The following PASK variants were observed in gnomAD, a reference collection of about 807,000 sequenced individuals.
The protein encoded by PASK is PAS domain containing serine/threonine kinase.
Under a neutral mutation model 121.0 loss-of-function variants are expected in PASK, and 110 were observed. The observed-to-expected ratio is 0.91, with a 90% CI of 0.78 to 1.06. The LOEUF (loss-of-function observed/expected upper bound fraction) is 1.06, where lower values mean the gene tolerates loss of function less well. Among genes scored for constraint, PASK ranks in the 50% least tolerant of loss-of-function variants. The pLI is 0.00. For synonymous variants in PASK, 686 were observed against 717.8 expected, an observed-to-expected ratio of 0.96 and a Z score of 0.71; for missense variants, 1,643 against 1,702.3, an observed-to-expected ratio of 0.97 and a Z score of 0.61.
rs932126746 is a variant in PASK, at chr2:241,123,988, G to A, written c.2865C>T (p.His955=). The change falls in exon 11 of 18, where the codon CAC becomes CAT. Residue 955 remains histidine (H), a synonymous_variant. Transcript: ENST00000234040. The part of the protein sequence containing the change: ...LFLASLPGST[H]STAAELTGPS... ...GTCCGGTGAGCTCAGCAGCGGTAGA[G>A]TGGGTGGAGCCGGGCAGGCTGGCAA... 4.3e-6 allele frequency: 7 copies of A among 1,613,964 alleles called. No homozygotes were observed. Among genetic ancestry groups the A allele is most frequent in the Non-Finnish European group, 5.9e-6 (7 of 1,180,018 alleles).
Position 241,122,861 on chromosome 2 carries a change from C to T in PASK, c.2943G>A (p.Lys981=), listed in dbSNP as rs1476346014. 1.9e-6 allele frequency: 3 copies of T among 1,614,036 alleles called. No homozygotes were observed. The highest frequency in any genetic ancestry group is 2.5e-6 in the Non-Finnish European group (3 of 1,179,996). The change falls in exon 12 of 18, where the codon AAG becomes AAA. Residue 981 remains lysine, a synonymous_variant. Coordinates refer to ENST00000234040, the MANE Select transcript of PASK (RefSeq NM_015148.4). The part of the protein sequence containing the change: ...RARPWFEEPP[K]AVELEGLAAC... ...CCGCCAACCCCTCCAGTTCCACAGC[C>T]TTGGGGGGCTCCTCAAACCAGGGTC...
chr2:241,133,213 C>A (rs2066249557), intron 8 of PASK, 183 bp from the exon 9 acceptor site: 2 of 674,192 alleles, frequency 3.0e-6, no homozygotes, highest in South Asian at 3.2e-5. Context: ...CTCCCTGCTC[C>A]TTGGCCCAGG....
intron 12 of PASK, among the ~76,000 whole-genome samples, chr2:241,121,899 A>G (rs910657671): frequency 2.0e-5 from 3 of 152,266 alleles, no homozygotes; most frequent in Non-Finnish European, 2.9e-5. Flanking sequence ...TAGAGACTTC[A>G]AAACATAATA....
chr2:241,138,205 G>A (rs1012841521), intron 5 of PASK, 118 bp from the exon 6 acceptor site: 3 of 1,007,938 alleles, frequency 3.0e-6, no homozygotes, highest in African/African-American at 3.2e-5. Flanking sequence ...TCCATCGGAA[G>A]GGCAAGAGAC....
chr2:241,144,149 CGTGTGT>C (rs35476448), intron 1 of PASK, among the ~76,000 whole-genome samples: 2 of 151,964 alleles, frequency 1.3e-5, no homozygotes, highest in Non-Finnish European at 2.9e-5. Flanking sequence ...TGTACATGAG[CGTGTGT>C]GTGTGCGCGC....
chr2:241,114,074 G>A (rs2065225751), intron 14 of PASK: 4 of 985,144 alleles, frequency 4.1e-6, no homozygotes, highest in Non-Finnish European at 4.8e-6. Context: ...CTTTTAACAA[G>A]CGACCCTCAA....
In PASK at chr2:241,106,618, G is replaced by C; in HGVS notation, c.3920C>G (p.Pro1307Arg). Residue 1307 changes from proline (P) to arginine (R), a missense_variant, in exon 18 of 18, where the codon CCT (proline) becomes CGT (arginine). Physicochemically the swap from Pro to Arg is moderately radical, Grantham distance 103. Coordinates refer to ENST00000234040, the MANE Select transcript of PASK (RefSeq NM_015148.4). The part of the protein sequence containing the change: ...LCGGPVPGEA[P>R]NGQGCLHPGD... ...GGGATGCAAACAGCCTTGGCCATTA[G>C]GAGCCTCGCCTGGAACGGGGCCCCC... 6.2e-7 allele frequency: 1 copy of C among 1,614,240 alleles called. No homozygotes were observed. Among genetic ancestry groups the C allele is most frequent in the Non-Finnish European group, 8.5e-7 (1 of 1,180,036 alleles).
In PASK at chr2:241,128,313, C is replaced by T. The variant is rs142769620; in HGVS notation, c.1464-862G>A. 2.6e-3 allele frequency among the ~76,000 whole-genome samples: 402 copies of T among 152,158 alleles called. 3 individuals are homozygous for T. The highest frequency in any genetic ancestry group is 9.1e-3 in the African/African-American group (379 of 41,518). On this transcript the variant is annotated intron_variant, in intron 9 of 17. Coordinates refer to ENST00000234040, the MANE Select transcript of PASK (RefSeq NM_015148.4). ...AACAAAAAAAGAAGGGGACACGGGC[C>T]GAAAAAGAGAGAGGAGGCTGGTGAG...
At chr2:241,149,072 G>A (rs934743089) in intron 1 of PASK, among the ~76,000 whole-genome samples, 2 of 152,082 alleles carry the variant, frequency 1.3e-5, no homozygotes, top group African/African-American at 2.4e-5. Context: ...TCGCCCCGCA[G>A]GGCCGGCTGC....
At chr2:241,142,713 C>T (rs756689345) in intron 2 of PASK, 124 bp downstream of exon 2, 19 of 775,372 alleles carry the variant, frequency 2.5e-5, no homozygotes, top group Non-Finnish European at 3.3e-5. Flanking sequence ...ACTTAAACCA[C>T]GAACTTTTCT....
At chr2:241,120,983 A>G (rs2065582642) in intron 12 of PASK, among the ~76,000 whole-genome samples, 1 of 152,252 alleles carries the variant, frequency 6.6e-6, no homozygotes, top group African/African-American at 2.4e-5. Flanking sequence ...ATGGAATATT[A>G]CTCGGTCATA....
At chr2:241,138,490 T>C (rs1267635973) in intron 5 of PASK, among the ~76,000 whole-genome samples, 164 bp downstream of exon 5, 6 of 152,258 alleles carry the variant, frequency 3.9e-5, no homozygotes, top group Admixed American at 3.3e-4. Context: ...GTTCGTTCCC[T>C]GCCCAAGCAC....
rs766753361 is a variant in PASK, at chr2:241,138,707, C to T, written c.688G>A (p.Val230Met). The change falls in exon 5 of 18, where the codon GTG (valine) becomes ATG (methionine). Residue 230 changes from valine (V) to methionine (M), a missense_variant. Transcript: ENST00000234040. ...MRQERRLCCVVVLEPVERVST... is the reference protein window; with the variant it reads ...MRQERRLCCVMVLEPVERVST... ...ACCCTCTCCACGGGCTCCAGGACCA[C>T]CACGCAGCATAGGCGGCGCTCCTGC... 11 of 1,614,154 alleles carry T rather than the reference C, an allele frequency of 6.8e-6. No individual in the cohort carries two copies. The Admixed American group carries it at 1.0e-4, about 15-fold the overall frequency.
chr2:241,147,615 T>G (rs986818415), intron 1 of PASK, among the ~76,000 whole-genome samples: 1 of 152,180 alleles, frequency 6.6e-6, no homozygotes, highest in South Asian at 2.1e-4. Context: ...AGCAAGACCC[T>G]GTCTCAAAAA....
rs879383373 is a variant in PASK at position 241,133,596 on chromosome 2, C to T, written c.1307-566G>A. 3.6e-5 allele frequency: 7 copies of T among 194,782 alleles called. No individual in the cohort carries two copies. In the Admixed American group the frequency reaches 3.7e-4, roughly 10 times the overall value. The allele number at this position is 194,782 out of a possible 1,614,324, so 12.1% of individuals were successfully genotyped here. On this transcript the variant is annotated intron_variant, in intron 8 of 17. Coordinates refer to ENST00000234040, the MANE Select transcript of PASK (RefSeq NM_015148.4). ...CCTGGCTCCCTCCAGTCCCCGTGAG[C>T]GCAGGGGCATCTGCACGCAGTGCAG...
chr2:241,149,821 G>A, upstream of PASK: 2 of 1,526,392 alleles, frequency 1.3e-6, no homozygotes, highest in Non-Finnish European at 1.7e-6. Context: ...TGCAGCGTCC[G>A]CACTGGGCTG....
At position 241,112,654 on chromosome 2, in the gene PASK, G is replaced by A. The variant is rs140590288; in HGVS notation, c.3334-215C>T. On this transcript the variant is annotated intron_variant, in intron 14 of 17. Coordinates refer to ENST00000234040, the MANE Select transcript of PASK (RefSeq NM_015148.4). The surrounding 1 kb of genome is among the most constrained non-coding windows in gnomAD (Gnocchi z 5.2). ...AGGCGTGTTCACTGGGGATGGCCAC[G>A]TTAGCCGGCAAGGTGGCAACATCAA... The A allele has an allele frequency of 7.9e-5, 42 of 530,478 alleles. 1 individual carries two copies. Among genetic ancestry groups the A allele is most frequent in the South Asian group, 5.3e-4 (25 of 47,036 alleles). The allele number at this position is 530,478 out of a possible 1,614,324, so 32.9% of individuals were successfully genotyped here.
At chr2:241,129,805 G>T (rs2066041375) in intron 9 of PASK, among the ~76,000 whole-genome samples, 1 of 152,154 alleles carries the variant, frequency 6.6e-6, no homozygotes, top group African/African-American at 2.4e-5. Flanking sequence ...TGAGCTGCTG[G>T]GACCTCAACC....
At chr2:241,136,094 G>T in intron 7 of PASK, 55 bp from the exon 8 acceptor site, 1 of 1,465,514 alleles carries the variant, frequency 6.8e-7, no homozygotes, top group Non-Finnish European at 9.6e-7. Context: ...CTGACCCACT[G>T]GACCGTCCCC....
Sources: allele counts gnomAD v4.1 joint callset (sites outside exome capture counted in the v4.1 genomes callset), GRCh38; gene constraint gnomAD v4.1.1; non-coding constraint Gnocchi (gnomAD v3.1); transcripts MANE v1.5; gene names NCBI Gene and HGNC (gene_info 2026-07-23, HGNC 2026-07-21).